Variants in RAPGEF2 observed in about 807,000 individuals in gnomAD.
RAPGEF2 encodes the protein Rap guanine nucleotide exchange factor 2, also known as PDZ domain containing guanine nucleotide exchange factor (GEF) 1.
A neutral mutation model predicts 186.7 loss-of-function variants in RAPGEF2; 54 were observed. The observed-to-expected ratio is 0.29, with a 90% CI of 0.23 to 0.36. RAPGEF2 has a LOEUF of 0.36. Ranked by LOEUF, RAPGEF2 falls within the 10% of genes least tolerant of loss-of-function variation. RAPGEF2 has a pLI of 1.00. For missense variants in RAPGEF2, 1,532 were observed against 2,045.0 expected (o/e 0.75, Z 4.84); for synonymous variants, 712 against 705.9 (o/e 1.01, Z -0.14).
At chr4:159,132,873 A>G (rs1433695487) in intron 1 of RAPGEF2, among the ~76,000 whole-genome samples, 1 of 150,644 alleles carries the variant, frequency 6.6e-6, no homozygotes, top group East Asian at 1.9e-4. Context: ...TTTAAATATT[A>G]TATACTTAGT....
chr4:159,232,677 T>C (rs1752775253), intron 4 of RAPGEF2, among the ~76,000 whole-genome samples: 1 of 152,212 alleles, frequency 6.6e-6, no homozygotes, highest in Admixed American at 6.5e-5. Context: ...ATATGTTAAT[T>C]CTATGTTTAG....
At chr4:159,351,317 G>GCAGA in intron 26 of RAPGEF2, 1 of 924,290 alleles carries the variant, frequency 1.1e-6, no homozygotes, top group South Asian at 1.9e-5. Context: ...TTTTTTTTAA[G>GCAGA]CAGACTGTTC....
At chr4:159,323,069 T>C (rs568107007) in intron 10 of RAPGEF2, among the ~76,000 whole-genome samples, 5 of 152,320 alleles carry the variant, frequency 3.3e-5, no homozygotes, top group Admixed American at 6.5e-5. Flanking sequence ...ATATATTAAC[T>C]TTTCAGTTTT....
In RAPGEF2 at chr4:159,218,715, G is replaced by A. The variant is rs111803651; in HGVS notation, c.281+8132G>A. ...AGAGGTTGCAGTGAGCCAAGATCAC[G>A]CCACTGCACTCCAGCCTGGGCAACA... is the stretch of plus-strand genomic sequence containing the variant. On this transcript the variant is annotated intron_variant, in intron 4 of 29. Transcript: ENST00000691494. Among the ~76,000 whole-genome samples the A allele has an allele frequency of 3.9e-3, 586 of 151,892 alleles. 2 individuals carry two copies. The highest frequency in any genetic ancestry group is 0.013 in the African/African-American group (534 of 41,410).
At chr4:159,247,883 C>T (rs958945933) in intron 7 of RAPGEF2, among the ~76,000 whole-genome samples, 5 of 150,586 alleles carry the variant, frequency 3.3e-5, no homozygotes, top group Non-Finnish European at 5.9e-5. Flanking sequence ...CTGCCTCAGC[C>T]TCCCGAGTAG....
chr4:159,297,926 C>A (rs1205775498), intron 7 of RAPGEF2, among the ~76,000 whole-genome samples: 1 of 152,156 alleles, frequency 6.6e-6, no homozygotes, highest in Non-Finnish European at 1.5e-5. Context: ...AACTAACTTG[C>A]CCAGGTTCAC....
chr4:159,119,800 A>G (rs1303703296), intron 1 of RAPGEF2, among the ~76,000 whole-genome samples: 1 of 152,220 alleles, frequency 6.6e-6, no homozygotes, highest in African/African-American at 2.4e-5. Flanking sequence ...GATGAGTTCT[A>G]AACATCCCAT....
intron 7 of RAPGEF2, among the ~76,000 whole-genome samples, chr4:159,262,220 C>CT (rs1318990588): frequency 6.6e-6 from 1 of 152,182 alleles, no homozygotes; most frequent in African/African-American, 2.4e-5. Context: ...TTCCCCTCAT[C>CT]TAACTTATAA....
At chr4:159,351,589 G>T (rs950166908) in intron 26 of RAPGEF2, among the ~76,000 whole-genome samples, 9 of 152,104 alleles carry the variant, frequency 5.9e-5, no homozygotes, top group African/African-American at 1.2e-4. Context: ...GAGATCCCTA[G>T]TAATGTAGAC....
At chr4:159,286,387 C>T (rs925903325) in intron 7 of RAPGEF2, among the ~76,000 whole-genome samples, 2 of 152,124 alleles carry the variant, frequency 1.3e-5, no homozygotes, top group South Asian at 2.1e-4. Flanking sequence ...CCTAATAGTA[C>T]TTGTACTATT....
intron 5 of RAPGEF2, among the ~76,000 whole-genome samples, chr4:159,240,754 G>T (rs1316730530): frequency 6.6e-6 from 1 of 151,066 alleles, no homozygotes; most frequent in Admixed American, 6.6e-5. Context: ...CATTCTGTTA[G>T]CACTGTTTTT....
Position 159,121,806 on chromosome 4 carries a change from G to A in RAPGEF2, c.69+17575G>A, listed in dbSNP as rs1197319677. 3.3e-5 allele frequency among the ~76,000 whole-genome samples: 5 copies of A among 151,532 alleles called. No homozygotes were observed. In the East Asian group the frequency reaches 7.7e-4, roughly 23 times the overall value. ...AGCACTTTGGGAGGCCGAGGCGGGC[G>A]GATCACAAGGTCAGGAGTTCGAGAC... is the stretch of plus-strand genomic sequence containing the variant. On this transcript the variant is annotated intron_variant, in intron 1 of 29. Transcript: ENST00000691494.
At chr4:159,243,429 A>G (rs1019193746) in intron 6 of RAPGEF2, among the ~76,000 whole-genome samples, 1 of 152,024 alleles carries the variant, frequency 6.6e-6, no homozygotes. Context: ...AGTAAAAAGA[A>G]TTAAATAGAA....
At chr4:159,265,544 G>T (rs1443770318) in intron 7 of RAPGEF2, among the ~76,000 whole-genome samples, 2 of 152,182 alleles carry the variant, frequency 1.3e-5, no homozygotes, top group African/African-American at 4.8e-5. Flanking sequence ...TGAGCATGGT[G>T]TAAGTCTGGA....
At chr4:159,352,982 C>A in intron 27 of RAPGEF2, 72 bp downstream of exon 27, 1 of 1,330,088 alleles carries the variant, frequency 7.5e-7, no homozygotes, top group Non-Finnish European at 1.0e-6. Context: ...TCTTTTCTTC[C>A]AGTGTTTGTT....
At chr4:159,185,281 T>C (rs1747447390) in intron 1 of RAPGEF2, among the ~76,000 whole-genome samples, 1 of 152,138 alleles carries the variant, frequency 6.6e-6, no homozygotes, top group Non-Finnish European at 1.5e-5. Context: ...GAGTCAAACA[T>C]AGAGTTACCA....
At chr4:159,151,620 T>C (rs1278302834) in intron 1 of RAPGEF2, among the ~76,000 whole-genome samples, 1 of 152,140 alleles carries the variant, frequency 6.6e-6, no homozygotes, top group African/African-American at 2.4e-5. Flanking sequence ...ATGCAAAATA[T>C]TAAAAAACAA....
At chr4:159,131,994 T>A (rs1312645556) in intron 1 of RAPGEF2, among the ~76,000 whole-genome samples, 8 of 152,120 alleles carry the variant, frequency 5.3e-5, no homozygotes, top group Non-Finnish European at 1.2e-4. Context: ...TTTTAATGGG[T>A]ATATTGTTTG....
chr4:159,116,413 A>T (rs1739059252), intron 1 of RAPGEF2, among the ~76,000 whole-genome samples: 1 of 152,238 alleles, frequency 6.6e-6, no homozygotes, highest in South Asian at 2.1e-4. Flanking sequence ...GATGGCAGTT[A>T]TTAAAAAGTC....
Sources: allele counts gnomAD v4.1 joint callset (sites outside exome capture counted in the v4.1 genomes callset), GRCh38; gene constraint gnomAD v4.1.1; transcripts MANE v1.5; gene names NCBI Gene and HGNC (gene_info 2026-07-23, HGNC 2026-07-21).